Variants in SLC8A2 observed in about 807,000 individuals in gnomAD.
SLC8A2 encodes solute carrier family 8 member A2, also known as sodium/calcium exchanger 2.
Under a neutral mutation model 70.2 loss-of-function variants are expected in SLC8A2, and 14 were observed. The ratio of observed to expected loss-of-function variants is 0.20; its 90% CI spans 0.13 to 0.31. The LOEUF (loss-of-function observed/expected upper bound fraction) is 0.31, where lower values mean the gene tolerates loss of function less well. SLC8A2 is among the 10% of genes least tolerant of loss of function. The probability of loss-of-function intolerance (pLI) is 1.00; values close to 1 mark genes in which losing one functional copy is unlikely to be tolerated. For missense variants in SLC8A2, 779 were observed against 1,320.1 expected, an observed-to-expected ratio of 0.59 and a Z score of 6.35; for synonymous variants, 575 against 594.3, an observed-to-expected ratio of 0.97 and a Z score of 0.47.
At chr19:47,435,447 A>G (rs1052968498) in intron 8 of SLC8A2, among the ~76,000 whole-genome samples, 1 of 151,714 alleles carries the variant, frequency 6.6e-6, no homozygotes, top group African/African-American at 2.4e-5. Flanking sequence ...GAGGAAGGAA[A>G]TGCTCCGAAG....
intron 2 of SLC8A2, among the ~76,000 whole-genome samples, chr19:47,459,416 T>G (rs1967360366): frequency 6.6e-6 from 1 of 152,072 alleles, no homozygotes; most frequent in African/African-American, 2.4e-5. Context: ...TCTATTTCCC[T>G]CCCTTGTGAG....
rs550068910 is a variant in SLC8A2 at position 47,447,185 on chromosome 19, C to T, written c.1763+624G>A. Among the ~76,000 whole-genome samples the T allele has an allele frequency of 1.7e-4, 26 of 152,048 alleles. No individual in the cohort carries two copies. The highest frequency in any genetic ancestry group is 2.0e-4 in the Admixed American group (3 of 15,282). ...TGTTAGGCCCCGCCTTCTTCCGCAG[C>T]CCACATCCATTTTCCCATTTCCTGA... On this transcript the variant is annotated intron_variant, in intron 4 of 9. Coordinates refer to ENST00000236877, the MANE Select transcript of SLC8A2 (RefSeq NM_015063.3). The surrounding 1 kb of genome is among the most constrained non-coding windows in gnomAD (Gnocchi z 5.1).
chr19:47,438,010 A>C, intron 6 of SLC8A2, 37 bp from the exon 7 acceptor site: 1 of 1,612,758 alleles, frequency 6.2e-7, no homozygotes, highest in Non-Finnish European at 8.5e-7. Flanking sequence ...CTCCTGGGAG[A>C]CCTACCTAAT....
Position 47,457,273 on chromosome 19 carries a change from G to C in SLC8A2, c.997C>G (p.Gln333Glu). The C allele has an allele frequency of 1.9e-6, 3 of 1,547,070 alleles. No individual in the cohort carries two copies. The highest frequency in any genetic ancestry group is 2.6e-6 in the Non-Finnish European group (3 of 1,145,642). Residue 333 changes from glutamine to glutamate, a missense_variant, in exon 3 of 10, where the codon CAG becomes GAG. Transcript: ENST00000236877. ...TAGTAGTTGGCGATGCCCACCAGCT[G>C]CTCCAGATCCTTGTCCGGGTGCTTC... ...KQKHPDKDLE[Q>E]LVGIANYYAL...
At chr19:47,456,786 G>C (rs986964034) in intron 3 of SLC8A2, 144 bp downstream of exon 3, 6 of 884,918 alleles carry the variant, frequency 6.8e-6, no homozygotes, top group Non-Finnish European at 9.8e-6. Flanking sequence ...GCACAAAGCA[G>C]GCTCTCAGGA....
rs1967180314 is a variant in SLC8A2, at chr19:47,447,543, C to T, written c.1763+266G>A. On this transcript the variant is annotated intron_variant, in intron 4 of 9. Coordinates refer to ENST00000236877, the MANE Select transcript of SLC8A2 (RefSeq NM_015063.3). This position sits in a 1 kb window ranked among gnomAD's most constrained non-coding sequence, Gnocchi z 5.1. ...ACCTAGGCCCCGCCCCTCCCGAGGC[C>T]AAGCCCACTTTGGAGAACGATTCAC... 1 of 510,360 alleles carries T rather than the reference C, an allele frequency of 2.0e-6. No homozygotes were observed. The highest frequency in any genetic ancestry group is 3.4e-6 in the Non-Finnish European group (1 of 290,906). The allele number at this position is 510,360 out of a possible 1,614,324, so 31.6% of individuals were successfully genotyped here.
intron 8 of SLC8A2, among the ~76,000 whole-genome samples, chr19:47,435,580 G>A (rs1175085970): frequency 7.3e-6 from 1 of 136,328 alleles, no homozygotes; most frequent in African/African-American, 3.0e-5. Flanking sequence ...ACGGAGTTTC[G>A]CTTTGTTGCC....
chr19:47,438,594 T>C (rs1967060930), intron 6 of SLC8A2, among the ~76,000 whole-genome samples: 1 of 152,000 alleles, frequency 6.6e-6, no homozygotes. Flanking sequence ...TGCTGACCCC[T>C]GACTCCAAGC....
intron 4 of SLC8A2, among the ~76,000 whole-genome samples, chr19:47,441,677 T>C (rs2122622910): frequency 6.6e-6 from 1 of 152,296 alleles, no homozygotes; most frequent in South Asian, 2.1e-4. Flanking sequence ...TAAAGCATTC[T>C]GGGTGCGGTG....
intron 1 of SLC8A2, among the ~76,000 whole-genome samples, chr19:47,467,721 G>A (rs1478928737): frequency 3.3e-5 from 5 of 151,758 alleles, no homozygotes; most frequent in Admixed American, 6.6e-5. Context: ...CGCTGGACAC[G>A]GTGGCTCACG....
intron 4 of SLC8A2, among the ~76,000 whole-genome samples, chr19:47,444,467 C>A (rs1048385693): frequency 2.0e-5 from 3 of 152,168 alleles, no homozygotes; most frequent in African/African-American, 7.2e-5. Flanking sequence ...GGGCCGCCCC[C>A]GACCTCGGCG....
chr19:47,432,183 C>T lies in SLC8A2; in HGVS notation c.2373G>A (p.Leu791=), dbSNP rs754179607. ...DSVNAVVFVA[L]GTSIPDTFAS... ...GGGTGTTACCAGGGATGGAGGTGCCCAGGGCAACGAAGACAACAGCATTGA... is the reference window on the plus strand; with the variant it reads ...GGGTGTTACCAGGGATGGAGGTGCCTAGGGCAACGAAGACAACAGCATTGA... The change falls in exon 9 of 10, where the codon CTG becomes CTA. Residue 791 remains leucine, a synonymous_variant. Coordinates refer to ENST00000236877, the MANE Select transcript of SLC8A2 (RefSeq NM_015063.3). This position sits in a 1 kb window ranked among gnomAD's most constrained non-coding sequence, Gnocchi z 6.2. The T allele has an allele frequency of 4.3e-6, 7 of 1,610,898 alleles. No individual in the cohort carries two copies. The African/African-American group carries it at 8.0e-5, about 18-fold the overall frequency.
chr19:47,452,533 G>C (rs919029011), intron 3 of SLC8A2, among the ~76,000 whole-genome samples: 1 of 145,422 alleles, frequency 6.9e-6, no homozygotes, highest in African/African-American at 2.5e-5. Context: ...GCGCGATCTT[G>C]GCTCACTGCA....
chr19:47,437,481 C>T lies in SLC8A2; in HGVS notation c.2091G>A (p.Glu697=), dbSNP rs373058659. 14 of 1,612,472 alleles carry T rather than the reference C, an allele frequency of 8.7e-6. No homozygotes were observed. Among genetic ancestry groups the T allele is most frequent in the Non-Finnish European group, 1.2e-5 (14 of 1,178,632 alleles). The change falls in exon 8 of 10, where the codon GAG becomes GAA. Residue 697 remains glutamate (E), a synonymous_variant. Coordinates refer to ENST00000236877, the MANE Select transcript of SLC8A2 (RefSeq NM_015063.3). ...GTHSWREQFL[E]AITVSAGDEE... The stretch of plus-strand genomic sequence containing the variant: ...ACTTACCTGCGCTCACCGTAATTGC[C>T]TCTAAAAACTGCTCCCTCCATGAAT...
chr19:47,465,924 C>G lies in SLC8A2; in HGVS notation c.480G>C (p.Leu160=). The G allele has an allele frequency of 1.2e-6, 2 of 1,614,160 alleles. No homozygotes were observed. The highest frequency in any genetic ancestry group is 1.7e-6 in the Non-Finnish European group (2 of 1,180,042). Residue 160 remains leucine, a synonymous_variant, in exon 2 of 10, where the codon CTG becomes CTC. Transcript: ENST00000236877. The surrounding 1 kb of genome is among the most constrained non-coding windows in gnomAD (Gnocchi z 5.5). ...VCGHNFQAGE[L]GPGTIVGSAA... ...CGCTGCCCACGATGGTGCCTGGGCC[C>G]AGCTCACCCGCCTGGAAGTTGTGGC...
intron 2 of SLC8A2, among the ~76,000 whole-genome samples, chr19:47,460,884 T>TA (rs1967385842): frequency 6.6e-6 from 1 of 151,822 alleles, no homozygotes; most frequent in Admixed American, 6.6e-5. Context: ...ACTCAAATGT[T>TA]ACCTTTCTCA....
rs748583239 is a variant in SLC8A2, at chr19:47,447,760, G to T, written c.1763+49C>A. ...CCGCCCCTGAGCCACATCAGGCCTC[G>T]CCCATTCCGAAGCCCCGCCCCTCTC... On this transcript the variant is annotated intron_variant, in intron 4 of 9. Coordinates refer to ENST00000236877, the MANE Select transcript of SLC8A2 (RefSeq NM_015063.3). This position sits in a 1 kb window ranked among gnomAD's most constrained non-coding sequence, Gnocchi z 5.1. 7 of 1,506,432 alleles carry T rather than the reference G, an allele frequency of 4.6e-6. No individual in the cohort carries two copies. In the South Asian group the frequency reaches 6.3e-5, roughly 14 times the overall value. The allele number at this position is 1,506,432 out of a possible 1,614,324, so 93.3% of individuals were successfully genotyped here.
At chr19:47,469,119 CGT>C (rs10670696) in intron 1 of SLC8A2, among the ~76,000 whole-genome samples, 9,156 of 143,022 alleles carry the variant, frequency 0.064, 317 homozygotes, top group African/African-American at 0.12. Flanking sequence ...TGCCTGTGTG[CGT>C]GTGTGTGTGT....
chr19:47,432,526 G>A lies in SLC8A2; in HGVS notation c.2111-81C>T. The A allele has an allele frequency of 7.3e-7, 1 of 1,374,568 alleles. No homozygotes were observed. The highest frequency in any genetic ancestry group is 9.8e-7 in the Non-Finnish European group (1 of 1,017,296). 85.1% of individuals were successfully genotyped at this position (1,374,568 alleles called of 1,614,324 possible). A position where few individuals can be genotyped will look rare whatever the true frequency, so the allele number is the denominator to read the frequency against. On this transcript the variant is annotated intron_variant, in intron 8 of 9. Transcript: ENST00000236877. The surrounding 1 kb of genome is among the most constrained non-coding windows in gnomAD (Gnocchi z 6.2). ...GAGGCCCCATTTTGTCTAACTTCCT[G>A]ACAGCAAGTCCCATTGAATGAACTT...
Sources: allele counts gnomAD v4.1 joint callset (sites outside exome capture counted in the v4.1 genomes callset), GRCh38; gene constraint gnomAD v4.1.1; non-coding constraint Gnocchi (gnomAD v3.1); transcripts MANE v1.5; gene names NCBI Gene and HGNC (gene_info 2026-07-23, HGNC 2026-07-21).